The following CACNA1H variants were observed in gnomAD, a reference collection of about 807,000 sequenced individuals.
CACNA1H encodes the protein calcium voltage-gated channel subunit alpha1 H, also known as voltage-dependent T-type calcium channel subunit alpha-1H.
Under a neutral mutation model 192.5 loss-of-function variants are expected in CACNA1H, and 149 were observed. That is an observed-to-expected ratio of 0.77 (90% CI 0.68 to 0.89). The LOEUF (loss-of-function observed/expected upper bound fraction) is 0.89. Ranked by LOEUF, CACNA1H falls within the 40% of genes least tolerant of loss-of-function variation. The pLI is 0.00. For synonymous variants in CACNA1H, 2,202 were observed against 1,475.2 expected (o/e 1.49, Z -11.29); for missense variants, 4,257 against 3,423.5 (o/e 1.24, Z -6.08).
At chr16:1,170,897 C>G (rs1964301215) in intron 2 of CACNA1H, among the ~76,000 whole-genome samples, 1 of 152,198 alleles carries the variant, frequency 6.6e-6, no homozygotes, top group Non-Finnish European at 1.5e-5. Context: ...CCCGCATTGT[C>G]TGCTTGGCTC....
chr16:1,175,549 G>A (rs184501469), intron 2 of CACNA1H, among the ~76,000 whole-genome samples: 7 of 152,268 alleles, frequency 4.6e-5, no homozygotes, highest in East Asian at 3.9e-4. Flanking sequence ...CTAGGTCCCC[G>A]TCTGCTCGCC....
intron 6 of CACNA1H, among the ~76,000 whole-genome samples, chr16:1,199,683 C>T (rs563543690): frequency 2.7e-5 from 4 of 149,536 alleles, no homozygotes; most frequent in African/African-American, 9.9e-5. Flanking sequence ...CCCGGGTTCT[C>T]CCCTCAATTC....
chr16:1,164,774 G>A (rs961176169), intron 2 of CACNA1H, among the ~76,000 whole-genome samples: 3 of 152,186 alleles, frequency 2.0e-5, no homozygotes, highest in African/African-American at 4.8e-5. Context: ...GGGTCTGGTG[G>A]TGCTGCCCTC....
intron 30 of CACNA1H, among the ~76,000 whole-genome samples, chr16:1,216,080 T>C (rs1015445621): frequency 4.6e-5 from 7 of 152,116 alleles, no homozygotes; most frequent in African/African-American, 1.7e-4. Flanking sequence ...TAGCCTCTAG[T>C]CCACCTATCC....
rs762582199 is a variant in CACNA1H, at chr16:1,220,067, G to A, written c.6135G>A (p.Pro2045=). Residue 2045 remains proline, a synonymous_variant, in exon 35 of 35, where the codon CCG becomes CCA. Coordinates refer to ENST00000348261, the MANE Select transcript of CACNA1H (RefSeq NM_021098.3). ...CTGCAGAGCCTGGTGAGAAAACCCC[G>A]GTGAGGCCGGTGACCCAGGGGGGCT... ...LDPAEPGEKT[P]VRPVTQGGSL... 22 of 1,434,520 alleles carry A rather than the reference G, an allele frequency of 1.5e-5. No homozygotes were observed. The highest frequency in any genetic ancestry group is 5.5e-5 in the East Asian group (2 of 36,324). 88.9% of individuals were successfully genotyped at this position (1,434,520 alleles called of 1,614,324 possible). A position where few individuals can be genotyped will look rare whatever the true frequency, so the allele number is the denominator to read the frequency against.
At chr16:1,163,480 A>G (rs1056252723) in intron 2 of CACNA1H, among the ~76,000 whole-genome samples, 2 of 152,214 alleles carry the variant, frequency 1.3e-5, no homozygotes, top group African/African-American at 4.8e-5. Context: ...GGCCTGCCTC[A>G]GAGGGGAAAC....
At chr16:1,199,973 G>T (rs942208613) in intron 6 of CACNA1H, among the ~76,000 whole-genome samples, 1 of 122,954 alleles carries the variant, frequency 8.1e-6, no homozygotes, top group Non-Finnish European at 2.0e-5. Context: ...CCTGTTCTTT[G>T]TGTGTTTGTC....
intron 2 of CACNA1H, among the ~76,000 whole-genome samples, chr16:1,192,025 C>G (rs1213556662): frequency 6.6e-6 from 1 of 152,258 alleles, no homozygotes; most frequent in African/African-American, 2.4e-5. Flanking sequence ...TGCCTGCAGG[C>G]CCAACCTTGC....
intron 2 of CACNA1H, among the ~76,000 whole-genome samples, chr16:1,160,758 C>T (rs1232385836): frequency 1.3e-5 from 2 of 152,180 alleles, no homozygotes; most frequent in Admixed American, 6.5e-5. Flanking sequence ...CCTTTGTCCT[C>T]TTGCTGCCGC....
At chr16:1,211,073 C>A in intron 21 of CACNA1H, 95 bp from the exon 22 acceptor site, 1 of 1,557,554 alleles carries the variant, frequency 6.4e-7, no homozygotes, top group Non-Finnish European at 8.7e-7. Flanking sequence ...CGCAGGCCGC[C>A]CACTCGGCCC....
chr16:1,155,009 G>C (rs1158602709), intron 2 of CACNA1H, among the ~76,000 whole-genome samples: 1 of 152,198 alleles, frequency 6.6e-6, no homozygotes, highest in African/African-American at 2.4e-5. Flanking sequence ...GAGAGACCCT[G>C]CCCGCAGACG....
In CACNA1H at chr16:1,202,194, A is replaced by G. The variant is rs757893642; in HGVS notation, c.1744A>G (p.Ile582Val). The change falls in exon 9 of 35, where the codon ATA becomes GTA. Residue 582 changes from isoleucine to valine, a missense_variant. Ile to Val is a conservative substitution (Grantham distance 29, BLOSUM62 3). Coordinates refer to ENST00000348261, the MANE Select transcript of CACNA1H (RefSeq NM_021098.3). ...CAGCATCTACCATGCCGACTGCCAC[A>G]TAGAGGGGCCGCAGGAGAGGGCCCG... ...VHSIYHADCH[I>V]EGPQERARVA... 1.9e-5 allele frequency: 29 copies of G among 1,553,032 alleles called. No homozygotes were observed. The highest frequency in any genetic ancestry group is 2.7e-5 in the African/African-American group (2 of 73,128).
At chr16:1,172,140 C>T (rs1390466764) in intron 2 of CACNA1H, among the ~76,000 whole-genome samples, 3 of 152,098 alleles carry the variant, frequency 2.0e-5, no homozygotes, top group East Asian at 1.9e-4. Context: ...GGCCGCAGGG[C>T]GTGGGCCGCA....
chr16:1,207,213 C>A (rs1968838271), intron 13 of CACNA1H, 62 bp from the exon 14 acceptor site: 3 of 1,557,270 alleles, frequency 1.9e-6, no homozygotes, highest in South Asian at 2.3e-5. Flanking sequence ...TGCCTCTGCC[C>A]CAAGGACTTG....
At chr16:1,203,692 G>A (rs1052271477) in intron 9 of CACNA1H, among the ~76,000 whole-genome samples, 2 of 152,196 alleles carry the variant, frequency 1.3e-5, no homozygotes, top group Non-Finnish European at 2.9e-5. Flanking sequence ...AGTTCTGGCG[G>A]TTTTGCAAGT....
In CACNA1H at chr16:1,186,675, A is replaced by G. The variant is rs548642049; in HGVS notation, c.300-8297A>G. ...GCTCCTCCTGCCCCGTGTGCCCTGGACCTGGCTCGGTCCCGATGCCCGTGG... is the reference window on the plus strand; with the variant it reads ...GCTCCTCCTGCCCCGTGTGCCCTGGGCCTGGCTCGGTCCCGATGCCCGTGG... On this transcript the variant is annotated intron_variant, in intron 2 of 34. Coordinates refer to ENST00000348261, the MANE Select transcript of CACNA1H (RefSeq NM_021098.3). Among the ~76,000 whole-genome samples the G allele has an allele frequency of 1.1e-4, 17 of 152,144 alleles. No individual in the cohort carries two copies. The East Asian group carries it at 1.7e-3, about 16-fold the overall frequency.
chr16:1,168,497 G>A (rs563251593), intron 2 of CACNA1H, among the ~76,000 whole-genome samples: 520 of 152,106 alleles, frequency 3.4e-3, no homozygotes, highest in African/African-American at 0.011. Context: ...CTTCCCTGCC[G>A]GGTGCCCAGG....
intron 2 of CACNA1H, among the ~76,000 whole-genome samples, chr16:1,188,557 G>A (rs1014697917): frequency 8.5e-5 from 13 of 152,320 alleles, no homozygotes; most frequent in African/African-American, 2.6e-4. Flanking sequence ...TCACCCAGCC[G>A]CGGGAATGCA....
At chr16:1,175,771 G>A (rs996219435) in intron 2 of CACNA1H, among the ~76,000 whole-genome samples, 1 of 152,222 alleles carries the variant, frequency 6.6e-6, no homozygotes, top group African/African-American at 2.4e-5. Flanking sequence ...CCCAGGCTGG[G>A]CAGGTAGGTG....
Sources: allele counts gnomAD v4.1 joint callset (sites outside exome capture counted in the v4.1 genomes callset), GRCh38; gene constraint gnomAD v4.1.1; transcripts MANE v1.5; gene names NCBI Gene and HGNC (gene_info 2026-07-23, HGNC 2026-07-21).